Variants in TRPV4 observed in about 807,000 individuals in gnomAD.
TRPV4 encodes OSM9-like transient receptor potential channel 4.
TRPV4 carries 58 observed loss-of-function variants against 84.1 expected under a neutral mutation model. The observed-to-expected ratio is 0.69, with a 90% CI of 0.56 to 0.86. The LOEUF (loss-of-function observed/expected upper bound fraction) is 0.86, where lower values mean the gene tolerates loss of function less well. Among genes scored for constraint, TRPV4 ranks in the 40% least tolerant of loss-of-function variants. The pLI, the probability that TRPV4 is intolerant of heterozygous loss-of-function variation, is 0.00. For missense variants in TRPV4, 879 were observed against 1,181.1 expected (o/e 0.74, Z 3.75); for synonymous variants, 489 against 500.9 (o/e 0.98, Z 0.32).
intron 5 of TRPV4, among the ~76,000 whole-genome samples, chr12:109,799,927 CTTATTTAT>C (rs138812871): frequency 0.13 from 18,908 of 148,366 alleles, 1,560 homozygotes; most frequent in African/African-American, 0.22. Flanking sequence ...TGCCATCTAA[CTTATTTAT>C]TTATTTATTT....
At chr12:109,788,248 C>T in intron 13 of TRPV4, 152 bp downstream of exon 13, 1 of 781,792 alleles carries the variant, frequency 1.3e-6, no homozygotes. Context: ...TCAGCAGCAG[C>T]CTCTGATGCC....
chr12:109,818,102 G>A (rs558559564), intron 1 of TRPV4, among the ~76,000 whole-genome samples: 2 of 150,622 alleles, frequency 1.3e-5, no homozygotes, highest in East Asian at 2.0e-4. Context: ...ACTGAAATGC[G>A]GGCAGCTGGC....
chr12:109,829,616 C>T (rs1892357465), intron 1 of TRPV4, among the ~76,000 whole-genome samples: 1 of 152,198 alleles, frequency 6.6e-6, no homozygotes, highest in Admixed American at 6.5e-5. Flanking sequence ...ACAAGGGGAG[C>T]TGACACGGGC....
chr12:109,788,348 C>G (rs942467564), intron 13 of TRPV4, 52 bp downstream of exon 13: 17 of 1,570,266 alleles, frequency 1.1e-5, no homozygotes, highest in Non-Finnish European at 1.4e-5. Flanking sequence ...TGGGTCTCCT[C>G]GGAAGGACGA....
intron 1 of TRPV4, among the ~76,000 whole-genome samples, chr12:109,821,368 T>C (rs1055542632): frequency 1.5e-4 from 23 of 152,184 alleles, no homozygotes; most frequent in African/African-American, 5.6e-4. Context: ...GGCTGTTCCC[T>C]CCGCCTGGAA....
At chr12:109,813,989 T>TG in intron 2 of TRPV4, among the ~76,000 whole-genome samples, 1 of 151,544 alleles carries the variant, frequency 6.6e-6, no homozygotes, top group African/African-American at 2.4e-5. Context: ...GGATGATGGA[T>TG]GATGGATGGT....
intron 1 of TRPV4, among the ~76,000 whole-genome samples, chr12:109,820,412 G>A (rs1242970959): frequency 3.3e-5 from 4 of 122,514 alleles, no homozygotes; most frequent in Non-Finnish European, 7.2e-5. Flanking sequence ...ACATTTTGAC[G>A]TCAGGCAGAC....
rs1345305986 is a variant in TRPV4 at position 109,791,370 on chromosome 12, G to A, written c.1891+993C>T. Among the ~76,000 whole-genome samples, 20 of 151,444 alleles carry A rather than the reference G, an allele frequency of 1.3e-4. No homozygotes were observed. The East Asian group carries it at 3.9e-3, about 30-fold the overall frequency. ...CCCTCCAGCCTTGGTGACAGAGTGA[G>A]ACCTTGCCACAAAAAAAATAATAAT... On this transcript the variant is annotated intron_variant, in intron 12 of 15. Coordinates refer to ENST00000261740, the MANE Select transcript of TRPV4 (RefSeq NM_021625.5).
chr12:109,832,602 T>A (rs1301414052), intron 1 of TRPV4: 2 of 152,548 alleles, frequency 1.3e-5, no homozygotes, highest in Admixed American at 6.5e-5. Flanking sequence ...GGCTGGATAG[T>A]CCCTGGGTTT....
chr12:109,806,035 A>G (rs566961742), intron 3 of TRPV4, among the ~76,000 whole-genome samples: 2 of 152,284 alleles, frequency 1.3e-5, no homozygotes, highest in African/African-American at 2.4e-5. Context: ...GGGCTTAAAC[A>G]TGGGTTATCT....
At chr12:109,822,219 T>TGGGGGGGGGGGGGGGGGGGGG (rs1892126614) in intron 1 of TRPV4, among the ~76,000 whole-genome samples, 1 of 61,546 alleles carries the variant, frequency 1.6e-5, no homozygotes. Flanking sequence ...GGGAGGTGGG[T>TGGGGGGGGGGGGGGGGGGGGG]GGGGGTTGGA....
intron 1 of TRPV4, among the ~76,000 whole-genome samples, chr12:109,821,044 G>A (rs183807647): frequency 3.3e-5 from 5 of 152,342 alleles, no homozygotes; most frequent in Admixed American, 1.3e-4. Context: ...GGTTACCCGC[G>A]GCTTTGCCTG....
chr12:109,802,665 A>G (rs1890872663), intron 4 of TRPV4, among the ~76,000 whole-genome samples: 1 of 146,488 alleles, frequency 6.8e-6, no homozygotes, highest in African/African-American at 2.5e-5. Flanking sequence ...CATGTTGCCC[A>G]TGCTGGTCTT....
chr12:109,800,745 C>G lies in TRPV4; in HGVS notation c.726G>C (p.Leu242=), dbSNP rs1192938006. ...TGCAGCGACGCTCAATGGCGATGTG[C>G]AGGGCTGTCTGACCTGGGGGCAGGG... ...RDIYYRGQTA[L]HIAIERRCKH... Residue 242 remains leucine, a synonymous_variant, in exon 5 of 16, where the codon CTG becomes CTC. Coordinates refer to ENST00000261740, the MANE Select transcript of TRPV4 (RefSeq NM_021625.5). The G allele has an allele frequency of 1.4e-5, 23 of 1,613,272 alleles. No homozygotes were observed. Among genetic ancestry groups the G allele is most frequent in the Non-Finnish European group, 1.9e-5 (22 of 1,179,988 alleles).
intron 2 of TRPV4, among the ~76,000 whole-genome samples, chr12:109,811,884 T>C (rs1891545841): frequency 6.6e-6 from 1 of 150,640 alleles, no homozygotes; most frequent in South Asian, 2.1e-4. Flanking sequence ...AGAGGAGATT[T>C]CATGGAGCAG....
chr12:109,785,882 A>T (rs1889653852), intron 14 of TRPV4, among the ~76,000 whole-genome samples: 1 of 151,880 alleles, frequency 6.6e-6, no homozygotes, highest in South Asian at 2.1e-4. Flanking sequence ...AAAAAATTAA[A>T]AATTGGTCGG....
chr12:109,798,510 G>C lies in TRPV4; in HGVS notation c.1152+104C>G. On this transcript the variant is annotated intron_variant, in intron 6 of 15. Coordinates refer to ENST00000261740, the MANE Select transcript of TRPV4 (RefSeq NM_021625.5). The surrounding 1 kb of genome is among the most constrained non-coding windows in gnomAD (Gnocchi z 5.0). The stretch of plus-strand genomic sequence containing the variant: ...GCACACTGGGGTTGGCATGTTGGGA[G>C]GTGCATGCACGTATTAATAATGAAT... The C allele has an allele frequency of 7.1e-7, 1 of 1,413,258 alleles. No individual in the cohort carries two copies. The highest frequency in any genetic ancestry group is 1.2e-5 in the South Asian group (1 of 82,624). The allele number at this position is 1,413,258 out of a possible 1,614,324, so 87.5% of individuals were successfully genotyped here.
intron 2 of TRPV4, among the ~76,000 whole-genome samples, chr12:109,811,773 T>C: frequency 6.6e-6 from 1 of 151,020 alleles, no homozygotes; most frequent in Non-Finnish European, 1.5e-5. Flanking sequence ...ATCCAAGAGA[T>C]AAATGAATCT....
In TRPV4 at chr12:109,786,450, C is replaced by A. The variant is rs751403808; in HGVS notation, c.2336+260G>T. On this transcript the variant is annotated intron_variant, in intron 14 of 15. Coordinates refer to ENST00000261740, the MANE Select transcript of TRPV4 (RefSeq NM_021625.5). The surrounding 1 kb of genome is among the most constrained non-coding windows in gnomAD (Gnocchi z 4.5). ...TCGGGCACTGGCTGAGCACTTCTCACGTGCTGACCTGTCTAATCCGCACCG... is the reference window on the plus strand; with the variant it reads ...TCGGGCACTGGCTGAGCACTTCTCAAGTGCTGACCTGTCTAATCCGCACCG... Among the ~76,000 whole-genome samples, 1 of 152,228 alleles carries A rather than the reference C, an allele frequency of 6.6e-6. No homozygotes were observed. Among genetic ancestry groups the A allele is most frequent in the Non-Finnish European group, 1.5e-5 (1 of 68,026 alleles).
Sources: gnomAD v4.1 joint callset for allele counts (sites outside exome capture counted in the v4.1 genomes callset) on GRCh38, gnomAD v4.1.1 for gene constraint, Gnocchi (gnomAD v3.1) non-coding constraint, MANE v1.5 for transcripts, NCBI Gene and HGNC (gene_info 2026-07-23, HGNC 2026-07-21) for gene names.